The following PDGFA variants were observed in gnomAD, a reference collection of about 807,000 sequenced individuals.
PDGFA encodes the protein platelet-derived growth factor subunit A.
A neutral mutation model predicts 25.6 loss-of-function variants in PDGFA; 9 were observed. The ratio of observed to expected loss-of-function variants is 0.35; its 90% CI spans 0.21 to 0.61. The LOEUF (loss-of-function observed/expected upper bound fraction) is 0.61. Ranked by LOEUF, PDGFA falls within the 20% of genes least tolerant of loss-of-function variation. The pLI is 0.75. For missense variants in PDGFA, 242 were observed against 272.8 expected, an observed-to-expected ratio of 0.89 and a Z score of 0.79; for synonymous variants, 133 against 111.8, an observed-to-expected ratio of 1.19 and a Z score of -1.20.
intron 3 of PDGFA, 30 bp downstream of exon 3, chr7:512,321 G>A (rs762747990): frequency 1.9e-6 from 3 of 1,589,630 alleles, no homozygotes; most frequent in Non-Finnish European, 1.7e-6. Flanking sequence ...ACCCGGCCCT[G>A]CCCTGCCCAT....
chr7:507,801 C>T (rs1269022821), intron 4 of PDGFA, among the ~76,000 whole-genome samples: 1 of 151,906 alleles, frequency 6.6e-6, no homozygotes, highest in African/African-American at 2.4e-5. Flanking sequence ...TGGTGCTGGG[C>T]TCATGCCAGG....
intron 4 of PDGFA, among the ~76,000 whole-genome samples, chr7:507,245 T>C (rs1782601545): frequency 1.3e-5 from 2 of 152,096 alleles, no homozygotes. Context: ...AGCGGGAACA[T>C]GAAGGGGGCC....
chr7:500,661 G>C lies in PDGFA; in HGVS notation c.580+455C>G, dbSNP rs2128389865. On this transcript the variant is annotated intron_variant, in intron 5 of 5. Coordinates refer to ENST00000402802, the Ensembl canonical transcript of PDGFA. The surrounding 1 kb of genome is among the most constrained non-coding windows in gnomAD (Gnocchi z 5.0). ...AGTCCCCTCATGCTCCCAGGGCCCAGCCATAGCAGGGCACAGAAGCCATTC... is the reference window on the plus strand; with the variant it reads ...AGTCCCCTCATGCTCCCAGGGCCCACCCATAGCAGGGCACAGAAGCCATTC... 1 of 1,463,892 alleles carries C rather than the reference G, an allele frequency of 6.8e-7. No homozygotes were observed. The highest frequency in any genetic ancestry group is 2.5e-5 in the Admixed American group (1 of 40,226). The allele number at this position is 1,463,892 out of a possible 1,614,324, so 90.7% of individuals were successfully genotyped here.
At position 498,589 on chromosome 7, in the gene PDGFA, G is replaced by A. The variant is rs1340891641; in HGVS notation, c.581-15C>T. 6.2e-7 allele frequency: 1 copy of A among 1,609,784 alleles called. No individual in the cohort carries two copies. The highest frequency in any genetic ancestry group is 1.1e-5 in the South Asian group (1 of 89,806). ...TCACCTCACATCTGCAGGGAGAAGG[G>A]AAAGACAGACACTGAGACCACCGAC... is the stretch of plus-strand genomic sequence containing the variant. On this transcript the variant is annotated splice_polypyrimidine_tract_variant and intron_variant, in intron 5 of 5. Coordinates refer to ENST00000402802, the Ensembl canonical transcript of PDGFA.
chr7:499,664 CA>C (rs201221020), intron 5 of PDGFA, among the ~76,000 whole-genome samples: 3 of 140,058 alleles, frequency 2.1e-5, no homozygotes, highest in Non-Finnish European at 4.5e-5. Flanking sequence ...GAGAAAAACA[CA>C]AAAGTCACTG....
At chr7:518,967 C>A in exon 1 of PDGFA, 1 of 1,541,486 alleles carries the variant, frequency 6.5e-7, no homozygotes, top group Non-Finnish European at 8.7e-7. Context: ...GAGGTATCCG[C>A]AGCCGAGGAG....
chr7:507,760 C>T (rs970224822), intron 4 of PDGFA, among the ~76,000 whole-genome samples: 4 of 152,208 alleles, frequency 2.6e-5, no homozygotes, highest in Non-Finnish European at 4.4e-5. Context: ...GCAGAAACTG[C>T]GCCCCAGGGA....
rs546754908 is a variant in PDGFA at position 504,837 on chromosome 7, C to T, written c.454-3595G>A. On this transcript the variant is annotated intron_variant, in intron 4 of 5. Transcript: ENST00000402802. ...CAGGCCCGTCTGGCCAGACACCAGA[C>T]GCCCAGGCGAGGGGCAGGCTCGCTC... is the stretch of plus-strand genomic sequence containing the variant. 3.3e-5 allele frequency among the ~76,000 whole-genome samples: 5 copies of T among 152,350 alleles called. No individual in the cohort carries two copies. In the East Asian group the frequency reaches 5.8e-4, roughly 18 times the overall value.
exon 1 of PDGFA, chr7:519,269 A>T: frequency 6.8e-6 from 1 of 147,476 alleles, no homozygotes; most frequent in Non-Finnish European, 1.4e-5. Context: ...GGGGGTGGGG[A>T]CGGAAGGGGC....
chr7:519,039 G>A (rs1367053073), exon 1 of PDGFA: 7 of 1,485,662 alleles, frequency 4.7e-6, no homozygotes, highest in Middle Eastern at 1.7e-4. Context: ...GGAGAGGCGA[G>A]GCCGCGGGGC....
chr7:504,766 G>C (rs1205734191), intron 4 of PDGFA, among the ~76,000 whole-genome samples: 3 of 152,230 alleles, frequency 2.0e-5, no homozygotes, highest in Non-Finnish European at 1.5e-5. Context: ...GCCTCACCTA[G>C]TTCCCTCGGC....
exon 4 of PDGFA, chr7:510,922 A>C: frequency 6.2e-7 from 1 of 1,612,478 alleles, no homozygotes; most frequent in Non-Finnish European, 8.5e-7. Context: ...AAGTTGGCGG[A>C]CGTGGGGTCG....
chr7:506,730 C>T (rs1161167343), intron 4 of PDGFA, among the ~76,000 whole-genome samples: 1 of 152,126 alleles, frequency 6.6e-6, no homozygotes, highest in Admixed American at 6.5e-5. Context: ...CTAACTGTGC[C>T]AGGCAGAGTG....
chr7:500,614 C>T lies in PDGFA; in HGVS notation c.580+502G>A. The T allele has an allele frequency of 2.0e-6, 3 of 1,532,848 alleles. No homozygotes were observed. The highest frequency in any genetic ancestry group is 2.6e-6 in the Non-Finnish European group (3 of 1,144,696). The allele number at this position is 1,532,848 out of a possible 1,614,324, so 95.0% of individuals were successfully genotyped here. ...ATCTTTCCAGAAGAGAAGGCCAGCA[C>T]CCTGGCACCGAGAAACTTCTGAGTC... On this transcript the variant is annotated intron_variant, in intron 5 of 5. Coordinates refer to ENST00000402802, the Ensembl canonical transcript of PDGFA. The surrounding 1 kb of genome is among the most constrained non-coding windows in gnomAD (Gnocchi z 5.0).
intron 5 of PDGFA, among the ~76,000 whole-genome samples, chr7:499,729 C>CCCCCCA (rs1398615853): frequency 1.1e-5 from 1 of 90,836 alleles, no homozygotes; most frequent in Non-Finnish European, 2.5e-5. Flanking sequence ...TTCCCCCCCC[C>CCCCCCA]CCCCGCTCAC....
chr7:516,413 T>G (rs1374860586), intron 2 of PDGFA, among the ~76,000 whole-genome samples: 4 of 152,298 alleles, frequency 2.6e-5, no homozygotes, highest in African/African-American at 9.6e-5. Flanking sequence ...TTCAGAGTCC[T>G]TTGCAGGGAG....
At chr7:516,507 T>C (rs1043976254) in intron 2 of PDGFA, among the ~76,000 whole-genome samples, 2 of 152,210 alleles carry the variant, frequency 1.3e-5, no homozygotes, top group Admixed American at 1.3e-4. Context: ...AGAGCCCCTT[T>C]TTAAACCAGG....
At chr7:520,007 G>C (rs1363650977), upstream of PDGFA, 1 of 375,574 alleles carries the variant, frequency 2.7e-6, no homozygotes, top group Non-Finnish European at 5.3e-6. Context: ...CCCGGGCGCC[G>C]CCGCCGCGGC....
At chr7:501,009 T>G in intron 5 of PDGFA, 107 bp downstream of exon 5, 4 of 1,607,066 alleles carry the variant, frequency 2.5e-6, no homozygotes, top group Non-Finnish European at 3.4e-6. Flanking sequence ...GCAGCCCAGA[T>G]GCTCACAGCA....
Sources: gnomAD v4.1 joint callset for allele counts (sites outside exome capture counted in the v4.1 genomes callset) on GRCh38, gnomAD v4.1.1 for gene constraint, Gnocchi (gnomAD v3.1) non-coding constraint, MANE v1.5 for transcripts, NCBI Gene and HGNC (gene_info 2026-07-23, HGNC 2026-07-21) for gene names.